The following UBTF variants were observed in gnomAD, a reference collection of about 807,000 sequenced individuals.
UBTF encodes the protein upstream binding transcription factor.
Under a neutral mutation model 112.3 loss-of-function variants are expected in UBTF, and 8 were observed. That is an observed-to-expected ratio of 0.07 (90% CI 0.04 to 0.13). The LOEUF is 0.13. UBTF is among the 10% of genes least tolerant of loss of function. The pLI, the probability that UBTF is intolerant of heterozygous loss-of-function variation, is 1.00. For synonymous variants in UBTF, 417 were observed against 373.1 expected (o/e 1.12, Z -1.36); for missense variants, 457 against 982.1 (o/e 0.47, Z 7.15).
chr17:44,210,115 C>A lies in UBTF; in HGVS notation c.1626+9G>T, dbSNP rs1159773226. 8.1e-6 allele frequency: 13 copies of A among 1,614,148 alleles called. No homozygotes were observed. The highest frequency in any genetic ancestry group is 1.1e-5 in the Non-Finnish European group (13 of 1,179,958). ...TCAATGAATGGGGTGGCCCCAGCCC[C>A]ATTCCTACCTCATATCGCTTTTGGT... On this transcript the variant is annotated intron_variant, in intron 15 of 20. Coordinates refer to ENST00000436088, the MANE Select transcript of UBTF (RefSeq NM_014233.4).
chr17:44,220,940 T>TCGGCG (rs1264737352), upstream of UBTF: 2 of 37,750 alleles, frequency 5.3e-5, no homozygotes, highest in Non-Finnish European at 1.1e-4. Context: ...CCCGCCCGCC[T>TCGGCG]CGGCGCAGCG....
chr17:44,212,137 C>G, intron 8 of UBTF, 131 bp from the exon 9 acceptor site: 2 of 908,764 alleles, frequency 2.2e-6, no homozygotes, highest in Non-Finnish European at 3.3e-6. Context: ...TGGTGTCACA[C>G]GAGACGTGGT....
intron 5 of UBTF, 176 bp downstream of exon 5, chr17:44,215,478 C>T (rs974070590): frequency 2.7e-6 from 2 of 727,872 alleles, no homozygotes; most frequent in African/African-American, 3.6e-5. Context: ...TGTGCCTGAC[C>T]ATGTGTGGGC....
At chr17:44,218,388 A>G in intron 1 of UBTF, 92 bp from the exon 2 acceptor site, 2 of 703,748 alleles carry the variant, frequency 2.8e-6, no homozygotes, top group Non-Finnish European at 4.9e-6. Context: ...GGGCAGGTCC[A>G]CACTCTGAGA....
At position 44,207,149 on chromosome 17, in the gene UBTF, G is replaced by A. The variant is rs752054456; in HGVS notation, c.*93C>T. On this transcript the variant is annotated 3_prime_UTR_variant, in exon 21 of 21. Transcript: ENST00000436088. Reference sequence around the variant, plus strand: ...AAAGAAAGTGGGGGAGGCCAGGGGGGCAAGGGACAGAACATGGGGGAGAAA... The same window carrying A: ...AAAGAAAGTGGGGGAGGCCAGGGGGACAAGGGACAGAACATGGGGGAGAAA... 6.4e-6 allele frequency: 9 copies of A among 1,406,896 alleles called. No individual in the cohort carries two copies. Among genetic ancestry groups the A allele is most frequent in the Non-Finnish European group, 8.8e-6 (9 of 1,022,898 alleles). 87.2% of individuals were successfully genotyped at this position (1,406,896 alleles called of 1,614,324 possible).
intron 7 of UBTF, 52 bp downstream of exon 7, chr17:44,212,767 C>A (rs751668461): frequency 1.2e-6 from 2 of 1,605,562 alleles, no homozygotes; most frequent in Non-Finnish European, 8.5e-7. Flanking sequence ...CGCGGCTCCC[C>A]CCTGGCCACC....
rs1393135487 is a variant in UBTF at position 44,205,477 on chromosome 17, TATAAACCCCTGTACTTAATTCCAGGA to T, written c.*1739_*1764del. The T allele has an allele frequency of 6.6e-6, 1 of 152,308 alleles. No individual in the cohort carries two copies. Among genetic ancestry groups the T allele is most frequent in the Non-Finnish European group, 1.5e-5 (1 of 68,046 alleles). The allele number at this position is 152,308 out of a possible 1,614,324, so 9.4% of individuals were successfully genotyped here. A position where few individuals can be genotyped will look rare whatever the true frequency, so the allele number is the denominator to read the frequency against. ...AGGGCTCTTGGGAAGAAATAGAACC[TATAAACCCCTGTACTTAATTCCAGGA>T]TTAGGACAAAGGAAGGGGAATGGGA... is the stretch of plus-strand genomic sequence containing the variant. On this transcript the variant is annotated 3_prime_UTR_variant, in exon 21 of 21. Coordinates refer to ENST00000436088, the MANE Select transcript of UBTF (RefSeq NM_014233.4).
At chr17:44,212,992 T>G in intron 6 of UBTF, 53 bp from the exon 7 acceptor site, 1 of 1,598,368 alleles carries the variant, frequency 6.3e-7, no homozygotes, top group South Asian at 1.1e-5. Flanking sequence ...CAGGGCAGAC[T>G]CAAGCTAGCT....
rs1345867706 is a variant in UBTF, at chr17:44,215,669, A to G, written c.459T>C (p.Leu153=). 1.2e-6 allele frequency: 2 copies of G among 1,613,926 alleles called. No homozygotes were observed. Among genetic ancestry groups the G allele is most frequent in the South Asian group, 1.1e-5 (1 of 91,072 alleles). Residue 153 remains leucine, a synonymous_variant, in exon 5 of 21, where the codon CTT becomes CTC. Coordinates refer to ENST00000436088, the MANE Select transcript of UBTF (RefSeq NM_014233.4). The part of the protein sequence containing the change: ...TKILSKKYKE[L]PEKKKMKYIQ... ...CTCCCCCCACCTTCTTCTTCTCCGGAAGCTCCTTGTATTTCTTGGACAGAA... is the reference window on the plus strand; with the variant it reads ...CTCCCCCCACCTTCTTCTTCTCCGGGAGCTCCTTGTATTTCTTGGACAGAA...
At chr17:44,217,164 T>A (rs2046886438) in intron 2 of UBTF, among the ~76,000 whole-genome samples, 1 of 152,196 alleles carries the variant, frequency 6.6e-6, no homozygotes, top group African/African-American at 2.4e-5. Context: ...CGACTGAGAA[T>A]GGGGTGTGGA....
At chr17:44,215,485 G>A (rs1282186498) in intron 5 of UBTF, 169 bp downstream of exon 5, 6 of 772,536 alleles carry the variant, frequency 7.8e-6, no homozygotes, top group Non-Finnish European at 1.2e-5. Context: ...GACCATGTGT[G>A]GGCCGAGGAA....
rs200421180 is a variant in UBTF at position 44,210,939 on chromosome 17, G to A, written c.1212C>T (p.Ser404=). The A allele has an allele frequency of 4.4e-6, 7 of 1,606,834 alleles. No individual in the cohort carries two copies. Among genetic ancestry groups the A allele is most frequent in the African/African-American group, 1.3e-5 (1 of 75,012 alleles). Residue 404 remains serine, a synonymous_variant, in exon 13 of 21, where the codon TCC becomes TCT. Coordinates refer to ENST00000436088, the MANE Select transcript of UBTF (RefSeq NM_014233.4). The part of the protein sequence containing the change: ...KPAQEGGKGG[S]EKPKRPVSAM... ...CCGACACGGGCCGCTTGGGCTTCTCGGAGCCGCCCTGTCCAGGTGCAGAGG... is the reference window on the plus strand; with the variant it reads ...CCGACACGGGCCGCTTGGGCTTCTCAGAGCCGCCCTGTCCAGGTGCAGAGG...
chr17:44,210,772 G>A lies in UBTF; in HGVS notation c.1359+20C>T, dbSNP rs753935454. ...CTGGCAGCCCCCCTGGGGGCACAGC[G>A]CTCCGCCAGGCAGCCTGACCTTCTT... On this transcript the variant is annotated intron_variant, in intron 13 of 20. Transcript: ENST00000436088. 2.3e-5 allele frequency: 35 copies of A among 1,555,042 alleles called. No individual in the cohort carries two copies. Among genetic ancestry groups the A allele is most frequent in the Middle Eastern group, 1.7e-4 (1 of 5,748 alleles).
upstream of UBTF, among the ~76,000 whole-genome samples, chr17:44,219,975 G>T (rs1407736511): frequency 6.6e-6 from 1 of 150,454 alleles, no homozygotes; most frequent in Admixed American, 6.6e-5. Flanking sequence ...GGCGGGAGCT[G>T]GGGGGACCCG....
At chr17:44,220,572 C>G (rs565686642), upstream of UBTF, among the ~76,000 whole-genome samples, 3 of 152,150 alleles carry the variant, frequency 2.0e-5, no homozygotes, top group Non-Finnish European at 4.4e-5. Flanking sequence ...CTTTACACCC[C>G]GGAAACGGCA....
chr17:44,210,578 G>C, intron 13 of UBTF, 105 bp from the exon 14 acceptor site: 2 of 1,423,646 alleles, frequency 1.4e-6, no homozygotes. Context: ...GCATGGGCTG[G>C]TGCAGATGTC....
Position 44,209,365 on chromosome 17 carries a change from T to C in UBTF, c.1892A>G (p.Asp631Gly). 6.2e-7 allele frequency: 1 copy of C among 1,604,928 alleles called. No homozygotes were observed. Among genetic ancestry groups the C allele is most frequent in the Non-Finnish European group, 8.5e-7 (1 of 1,174,054 alleles). ...EQQKQYKVHL[D>G]LWVKSLSPQD... ...TTGCCCTCTCACCTTAACCCAGAGG[T>C]CCAGGTGCACCTTGTACTGCTTTTG... Residue 631 changes from aspartate (D) to glycine (G), a missense_variant, in exon 17 of 21, where the codon GAC becomes GGC. This residue lies in a region of UBTF where 77 missense variants were observed against 211.9 expected (regional missense o/e 0.36). Coordinates refer to ENST00000436088, the MANE Select transcript of UBTF (RefSeq NM_014233.4).
chr17:44,216,818 T>C lies in UBTF; in HGVS notation c.59-114A>G, dbSNP rs190797710. ...CTAGGGCATCCCAGCCCCTGGTTGC[T>C]TCCCATCTGAAGGCACAGACAAGAT... On this transcript the variant is annotated intron_variant, in intron 2 of 20. Transcript: ENST00000436088. 1.0e-5 allele frequency: 11 copies of C among 1,074,690 alleles called. No homozygotes were observed. In the East Asian group the frequency reaches 2.1e-4, roughly 21 times the overall value. 66.6% of individuals were successfully genotyped at this position (1,074,690 alleles called of 1,614,324 possible).
In UBTF at chr17:44,215,889, T is replaced by TC. The variant is rs746856885; in HGVS notation, c.318+16dup. 3.1e-6 allele frequency: 5 copies of TC among 1,614,012 alleles called. No homozygotes were observed. The highest frequency in any genetic ancestry group is 3.4e-6 in the Non-Finnish European group (4 of 1,179,914). On this transcript the variant is annotated intron_variant, in intron 4 of 20. Coordinates refer to ENST00000436088, the MANE Select transcript of UBTF (RefSeq NM_014233.4). ...TTTCCTCCCATACCCCTCATGCTCC[T>TC]CCTCCTAGTAACTCACCTTGAGTTT...
Sources: allele counts gnomAD v4.1 joint callset (sites outside exome capture counted in the v4.1 genomes callset), GRCh38; gene constraint gnomAD v4.1.1; regional missense constraint gnomAD v4.1.1; transcripts MANE v1.5; gene names NCBI Gene and HGNC (gene_info 2026-07-23, HGNC 2026-07-21).